Variants in ANKS6 observed in about 807,000 individuals in gnomAD.
ANKS6 encodes ankyrin repeat and SAM domain-containing protein 6.
Under a neutral mutation model 77.9 loss-of-function variants are expected in ANKS6, and 47 were observed. The ratio of observed to expected loss-of-function variants is 0.60; its 90% CI spans 0.48 to 0.77. The LOEUF (loss-of-function observed/expected upper bound fraction) is 0.77, where lower values mean the gene tolerates loss of function less well. Among genes scored for constraint, ANKS6 ranks in the 30% least tolerant of loss-of-function variants. The probability of loss-of-function intolerance (pLI) is 0.00; values close to 1 mark genes in which losing one functional copy is unlikely to be tolerated. For missense variants in ANKS6, 1,150 were observed against 1,159.1 expected (o/e 0.99, Z 0.11); for synonymous variants, 488 against 501.7 (o/e 0.97, Z 0.37).
chr9:98,781,566 G>A (rs747919365), intron 5 of ANKS6, among the ~76,000 whole-genome samples: 1 of 152,276 alleles, frequency 6.6e-6, no homozygotes, highest in South Asian at 2.1e-4. Context: ...CTCTTCAAGA[G>A]GATGTGAACC....
intron 11 of ANKS6, among the ~76,000 whole-genome samples, chr9:98,767,755 C>T (rs893057117): frequency 3.9e-5 from 6 of 152,222 alleles, no homozygotes; most frequent in Non-Finnish European, 7.3e-5. Flanking sequence ...CTCCTCAACT[C>T]ATGCTCTTAA....
rs115185483 is a variant in ANKS6 at position 98,775,408 on chromosome 9, C to T, written c.1618-1328G>A. Among the ~76,000 whole-genome samples the T allele has an allele frequency of 5.8e-3, 891 of 152,310 alleles. 8 individuals are homozygous for T. The highest frequency in any genetic ancestry group is 0.02 in the African/African-American group (836 of 41,556). ...TCTTGGATAAAGAGACACGTTCCTA[C>T]ACTAGAATGTTCTAATGTAGCCATT... On this transcript the variant is annotated intron_variant, in intron 8 of 14. Coordinates refer to ENST00000353234, the MANE Select transcript of ANKS6 (RefSeq NM_173551.5).
chr9:98,796,477 C>G lies in ANKS6; in HGVS notation c.15G>C (p.Gly5=). Residue 5 remains glycine, a synonymous_variant, in exon 1 of 15, where the codon GGG becomes GGC. Transcript: ENST00000353234. MGEG[G]LPPAFQLLLR... is the part of the protein sequence containing the mutation. ...GCAGCAGCTGGAAGGCCGGGGGCAGCCCGCCCTCGCCCATCGCCGCCGCCA... is the reference window on the plus strand; with the variant it reads ...GCAGCAGCTGGAAGGCCGGGGGCAGGCCGCCCTCGCCCATCGCCGCCGCCA... 2.0e-6 allele frequency: 2 copies of G among 990,238 alleles called. No individual in the cohort carries two copies. The highest frequency in any genetic ancestry group is 2.4e-6 in the Non-Finnish European group (2 of 834,846). 61.3% of individuals were successfully genotyped at this position (990,238 alleles called of 1,614,324 possible).
rs373222710 is a variant in ANKS6 at position 98,784,913 on chromosome 9, A to G, written c.863-37T>C. Reference sequence around the variant, plus strand: ...AAGATTTTTAAAGTTAACCACGGAAAGGTTTAATATAACAGAAAAGTCACA... The same window carrying G: ...AAGATTTTTAAAGTTAACCACGGAAGGGTTTAATATAACAGAAAAGTCACA... On this transcript the variant is annotated intron_variant, in intron 2 of 14. Transcript: ENST00000353234. The G allele has an allele frequency of 2.5e-6, 4 of 1,593,478 alleles. No homozygotes were observed. In the African/African-American group the frequency reaches 5.4e-5, roughly 21 times the overall value.
Position 98,778,214 on chromosome 9 carries a change from G to C in ANKS6, c.1567+12C>G, listed in dbSNP as rs745334228. 1.2e-6 allele frequency: 2 copies of C among 1,613,934 alleles called. No homozygotes were observed. Among genetic ancestry groups the C allele is most frequent in the Non-Finnish European group, 1.7e-6 (2 of 1,179,876 alleles). ...TTCCAAAAATTCTACTGCACATGCA[G>C]ACTTTTCTCACCATTGTCTTTGGTC... On this transcript the variant is annotated intron_variant, in intron 7 of 14. Coordinates refer to ENST00000353234, the MANE Select transcript of ANKS6 (RefSeq NM_173551.5).
rs1426571844 is a variant in ANKS6, at chr9:98,736,631, G to A, written c.2512-8C>T. ...AATTTGTCTCTCGCGTCCCTGTGGAGGAAATTGAAAACAGACACAGAAAGT... is the reference window on the plus strand; with the variant it reads ...AATTTGTCTCTCGCGTCCCTGTGGAAGAAATTGAAAACAGACACAGAAAGT... On this transcript the variant is annotated splice_region_variant and splice_polypyrimidine_tract_variant and intron_variant, in intron 14 of 14. Coordinates refer to ENST00000353234, the MANE Select transcript of ANKS6 (RefSeq NM_173551.5). The A allele has an allele frequency of 1.9e-6, 3 of 1,599,572 alleles. No homozygotes were observed. The highest frequency in any genetic ancestry group is 2.6e-6 in the Non-Finnish European group (3 of 1,172,576).
chr9:98,750,223 T>C (rs1388127999), intron 13 of ANKS6, among the ~76,000 whole-genome samples: 1 of 152,238 alleles, frequency 6.6e-6, no homozygotes, highest in Admixed American at 6.5e-5. Flanking sequence ...AATCTACTTT[T>C]TGTGTCTACA....
At chr9:98,777,309 T>A in intron 8 of ANKS6, 96 bp downstream of exon 8, 1 of 1,375,022 alleles carries the variant, frequency 7.3e-7, no homozygotes. Flanking sequence ...CTGTGACCAC[T>A]ACAAAGACAG....
intron 2 of ANKS6, among the ~76,000 whole-genome samples, chr9:98,789,677 T>C: frequency 6.6e-6 from 1 of 152,124 alleles, no homozygotes; most frequent in Non-Finnish European, 1.5e-5. Context: ...GCCACACCCA[T>C]TCATTTACTC....
chr9:98,755,523 G>C (rs1427716994), intron 12 of ANKS6, among the ~76,000 whole-genome samples: 1 of 152,084 alleles, frequency 6.6e-6, no homozygotes, highest in Non-Finnish European at 1.5e-5. Flanking sequence ...TCCCGCATGG[G>C]GGCTGCAGAG....
intron 11 of ANKS6, among the ~76,000 whole-genome samples, chr9:98,757,017 T>C (rs1832747655): frequency 6.6e-6 from 1 of 151,088 alleles, no homozygotes; most frequent in African/African-American, 2.4e-5. Flanking sequence ...TTGATGCTCC[T>C]TCATCTACAC....
Position 98,732,148 on chromosome 9 carries a change from C to G in ANKS6, c.*4371G>C. ...GCGACAGGATGGTGCTTCACAGTGC[C>G]TCCTGCTGATGGCACCTTCATTCTG... is the stretch of plus-strand genomic sequence containing the variant. On this transcript the variant is annotated 3_prime_UTR_variant, in exon 15 of 15. Coordinates refer to ENST00000353234, the MANE Select transcript of ANKS6 (RefSeq NM_173551.5). The G allele has an allele frequency of 3.1e-6, 1 of 319,990 alleles. No homozygotes were observed. Among genetic ancestry groups the G allele is most frequent in the South Asian group, 4.4e-5 (1 of 22,968 alleles). The allele number at this position is 319,990 out of a possible 1,614,324, so 19.8% of individuals were successfully genotyped here. A position where few individuals can be genotyped will look rare whatever the true frequency, so the allele number is the denominator to read the frequency against.
At chr9:98,761,240 ATTG>A (rs1380539506) in intron 11 of ANKS6, among the ~76,000 whole-genome samples, 1 of 152,040 alleles carries the variant, frequency 6.6e-6, no homozygotes, top group African/African-American at 2.4e-5. Flanking sequence ...TTATTATTGA[ATTG>A]AGGGTTCTTT....
In ANKS6 at chr9:98,735,691, T is replaced by C. The variant is rs1430009643; in HGVS notation, c.*828A>G. On this transcript the variant is annotated 3_prime_UTR_variant, in exon 15 of 15. Transcript: ENST00000353234. ...GCATCATCTGGTCTGACCTTCCACTTTGCAGATAAGGAAACTGAAAGCTAG... is the reference window on the plus strand; with the variant it reads ...GCATCATCTGGTCTGACCTTCCACTCTGCAGATAAGGAAACTGAAAGCTAG... The C allele has an allele frequency of 1.6e-6, 2 of 1,231,620 alleles. No individual in the cohort carries two copies. Among genetic ancestry groups the C allele is most frequent in the African/African-American group, 1.6e-5 (1 of 64,420 alleles). 76.3% of individuals were successfully genotyped at this position (1,231,620 alleles called of 1,614,324 possible). A position where few individuals can be genotyped will look rare whatever the true frequency, so the allele number is the denominator to read the frequency against.
At chr9:98,775,635 TACA>T (rs34313422) in intron 8 of ANKS6, among the ~76,000 whole-genome samples, 95,695 of 151,674 alleles carry the variant, frequency 0.63, 31,146 homozygotes, top group Non-Finnish European at 0.73. Flanking sequence ...TATTATTATA[TACA>T]ACATCATATC....
At chr9:98,766,365 A>T (rs1186080517) in intron 11 of ANKS6, among the ~76,000 whole-genome samples, 1 of 152,208 alleles carries the variant, frequency 6.6e-6, no homozygotes, top group African/African-American at 2.4e-5. Context: ...CATATAACAC[A>T]TCCAATAAGA....
At chr9:98,759,318 C>T (rs983092550) in intron 11 of ANKS6, among the ~76,000 whole-genome samples, 6 of 152,204 alleles carry the variant, frequency 3.9e-5, no homozygotes, top group Admixed American at 3.9e-4. Flanking sequence ...ACAATCAACA[C>T]AGAATGTGTC....
At chr9:98,764,313 G>C (rs1178642778) in intron 11 of ANKS6, among the ~76,000 whole-genome samples, 1 of 152,148 alleles carries the variant, frequency 6.6e-6, no homozygotes, top group Non-Finnish European at 1.5e-5. Flanking sequence ...ACATAATATG[G>C]AGGGGTACAT....
In ANKS6 at chr9:98,790,314, T is replaced by TG; in HGVS notation, c.651dup (p.Asn218GlnfsTer35). ...CAGCCCACGGTCCGGGCTGCGTGGT[T>TG]GGGGTCCGCGCCCCACTCCATCAGT... On this transcript the variant is annotated frameshift_variant, in exon 2 of 15. Transcript: ENST00000353234. LOFTEE classifies it high-confidence loss of function. 6.2e-7 allele frequency: 1 copy of TG among 1,607,918 alleles called. No homozygotes were observed. The highest frequency in any genetic ancestry group is 8.5e-7 in the Non-Finnish European group (1 of 1,176,404).
Sources: gnomAD v4.1 joint callset for allele counts (sites outside exome capture counted in the v4.1 genomes callset) on GRCh38, gnomAD v4.1.1 for gene constraint, MANE v1.5 for transcripts, NCBI Gene and HGNC (gene_info 2026-07-23, HGNC 2026-07-21) for gene names.